Variants in POGLUT3 observed in about 807,000 individuals in gnomAD.
The protein encoded by POGLUT3 is KDEL (Lys-Asp-Glu-Leu) containing 2.
Under a neutral mutation model 54.3 loss-of-function variants are expected in POGLUT3, and 48 were observed. The observed-to-expected ratio is 0.88, with a 90% CI of 0.70 to 1.12. The LOEUF (loss-of-function observed/expected upper bound fraction) is 1.12, where lower values mean the gene tolerates loss of function less well. Among genes scored for constraint, POGLUT3 ranks in the 50% most tolerant of loss-of-function variants. POGLUT3 has a pLI of 0.00. For missense variants in POGLUT3, 629 were observed against 618.7 expected (o/e 1.02, Z -0.18); for synonymous variants, 218 against 237.4 (o/e 0.92, Z 0.75).
chr11:108,483,663 C>CATTATT (rs374883567), intron 3 of POGLUT3, among the ~76,000 whole-genome samples: 1 of 151,546 alleles, frequency 6.6e-6, no homozygotes, highest in Admixed American at 6.6e-5. Context: ...GCTTCCCTGT[C>CATTATT]ATTATTATTA....
intron 1 of POGLUT3, among the ~76,000 whole-genome samples, chr11:108,495,669 T>C (rs937020884): frequency 6.6e-6 from 1 of 152,172 alleles, no homozygotes; most frequent in Non-Finnish European, 1.5e-5. Context: ...ATTTTATTTA[T>C]TTATTTAGAG....
chr11:108,482,192 T>C lies in POGLUT3; in HGVS notation c.715A>G (p.Asn239Asp), dbSNP rs1375862219. 6.2e-7 allele frequency: 1 copy of C among 1,613,894 alleles called. No homozygotes were observed. The highest frequency in any genetic ancestry group is 1.1e-5 in the South Asian group (1 of 91,044). ...VLLPDLEFYV[N>D]LGDWPLEHRK... Reference sequence around the variant, plus strand: ...TGCTCCAAGGGCCAATCTCCAAGATTAACATAAAATTCTAAATCTGGGAGA... The same window carrying C: ...TGCTCCAAGGGCCAATCTCCAAGATCAACATAAAATTCTAAATCTGGGAGA... The change falls in exon 4 of 8, where the codon AAT becomes GAT. Residue 239 changes from asparagine (N) to aspartate (D), a missense_variant. Coordinates refer to ENST00000323468, the MANE Select transcript of POGLUT3 (RefSeq NM_153705.5).
rs1052334866 is a variant in POGLUT3 at position 108,486,192 on chromosome 11, A to G, written c.649T>C (p.Phe217Leu). ...SLGKYTDFKM[F>L]SDEILLSLTR... Reference sequence around the variant, plus strand: ...AATGATAACAAAATCTCATCAGAGAACATCTTGAAGTCTGTGTATTTCCCT... The same window carrying G: ...AATGATAACAAAATCTCATCAGAGAGCATCTTGAAGTCTGTGTATTTCCCT... The change falls in exon 3 of 8, where the codon TTC (phenylalanine) becomes CTC (leucine). Residue 217 changes from phenylalanine to leucine, a missense_variant. Phe to Leu is a conservative substitution (Grantham distance 22). Transcript: ENST00000323468. 1.2e-6 allele frequency: 2 copies of G among 1,612,706 alleles called. No individual in the cohort carries two copies. Among genetic ancestry groups the G allele is most frequent in the African/African-American group, 2.7e-5 (2 of 74,910 alleles).
At chr11:108,493,225 C>A (rs1004399811) in intron 1 of POGLUT3, among the ~76,000 whole-genome samples, 1 of 152,096 alleles carries the variant, frequency 6.6e-6, no homozygotes, top group Non-Finnish European at 1.5e-5. Flanking sequence ...GCTGAAATAT[C>A]ATTTAAAAGT....
In POGLUT3 at chr11:108,482,099, C is replaced by G. The variant is rs1472029771; in HGVS notation, c.808G>C (p.Asp270His). The G allele has an allele frequency of 6.2e-7, 1 of 1,614,154 alleles. No individual in the cohort carries two copies. The highest frequency in any genetic ancestry group is 1.1e-5 in the South Asian group (1 of 91,080). Residue 270 changes from aspartate to histidine, a missense_variant, in exon 4 of 8, where the codon GAT becomes CAT. Transcript: ENST00000323468. ...ATGTCATACGTTGGAAGGACAACATCTCTTGAATCCAGAGAGCCACACCAT... is the reference window on the plus strand; with the variant it reads ...ATGTCATACGTTGGAAGGACAACATGTCTTGAATCCAGAGAGCCACACCAT... The part of the protein sequence containing the change: ...ISWCGSLDSR[D>H]VVLPTYDITH...
intron 4 of POGLUT3, 104 bp downstream of exon 4, chr11:108,481,902 T>C: frequency 1.1e-6 from 1 of 878,648 alleles, no homozygotes; most frequent in Non-Finnish European, 1.8e-6. Flanking sequence ...GAATTTTCAG[T>C]ACAAGACTTT....
At chr11:108,496,472 G>A (rs183348853) in intron 1 of POGLUT3, among the ~76,000 whole-genome samples, 1 of 152,192 alleles carries the variant, frequency 6.6e-6, no homozygotes, top group East Asian at 1.9e-4. Context: ...ACAAAGCACA[G>A]CTGAATAAAT....
Position 108,479,475 on chromosome 11 carries a change from C to G in POGLUT3, c.1119G>C (p.Val373=), listed in dbSNP as rs1248602434. The change falls in exon 6 of 8, where the codon GTG becomes GTC. Residue 373 remains valine (V), a synonymous_variant. Transcript: ENST00000323468. ...ATCTGTAAGCAGCCACGGTCCCATCCACATTTACTTGATACTTGTACTGGA... is the reference window on the plus strand; with the variant it reads ...ATCTGTAAGCAGCCACGGTCCCATCGACATTTACTTGATACTTGTACTGGA... ...DFFKYKYQVN[V]DGTVAAYRYP... The G allele has an allele frequency of 6.3e-7, 1 of 1,595,550 alleles. No individual in the cohort carries two copies. The highest frequency in any genetic ancestry group is 2.2e-5 in the East Asian group (1 of 44,542).
intron 3 of POGLUT3, among the ~76,000 whole-genome samples, chr11:108,484,625 G>A (rs990976722): frequency 2.6e-5 from 4 of 152,110 alleles, no homozygotes; most frequent in African/African-American, 4.8e-5. Context: ...CAGGCATGGC[G>A]TGCATCTGTA....
In POGLUT3 at chr11:108,474,845, A is replaced by T; in HGVS notation, c.1506T>A (p.Pro502=). The T allele has an allele frequency of 6.2e-7, 1 of 1,614,108 alleles. No homozygotes were observed. Among genetic ancestry groups the T allele is most frequent in the Non-Finnish European group, 8.5e-7 (1 of 1,180,016 alleles). The change falls in exon 8 of 8, where the codon CCT becomes CCA. Residue 502 remains proline (P), a synonymous_variant. Coordinates refer to ENST00000323468, the MANE Select transcript of POGLUT3 (RefSeq NM_153705.5). ...GGCTGACTCAAAGTTCTTCTCTTGA[A>T]GGCTTTTTCCTGTGGCACTGGCAGA... The part of the protein sequence containing the change: ...TAICQCHRKK[P]SREEL
chr11:108,481,587 TC>T (rs1407519564), intron 4 of POGLUT3, among the ~76,000 whole-genome samples: 1 of 152,182 alleles, frequency 6.6e-6, no homozygotes, highest in Non-Finnish European at 1.5e-5. Context: ...AAAAAAACAG[TC>T]TTTTTATTTG....
intron 2 of POGLUT3, chr11:108,486,760 C>A: frequency 3.8e-6 from 1 of 259,806 alleles, no homozygotes; most frequent in Non-Finnish European, 7.4e-6. Flanking sequence ...AGAAAAAGAA[C>A]GTATTAATTT....
At chr11:108,477,938 CA>C (rs1055768366) in intron 6 of POGLUT3, 2 of 513,486 alleles carry the variant, frequency 3.9e-6, no homozygotes, top group African/African-American at 3.9e-5. Flanking sequence ...CACTTAAGGT[CA>C]AGAGTTCGAG....
intron 3 of POGLUT3, among the ~76,000 whole-genome samples, chr11:108,482,508 C>G (rs190317935): frequency 1.3e-5 from 2 of 152,190 alleles, no homozygotes; most frequent in East Asian, 3.9e-4. Context: ...AATCCCAGCA[C>G]TTTGGGAGGT....
intron 1 of POGLUT3, among the ~76,000 whole-genome samples, chr11:108,493,427 A>G (rs956733840): frequency 6.6e-6 from 1 of 152,238 alleles, no homozygotes; most frequent in African/African-American, 2.4e-5. Flanking sequence ...TAAAAGAGAA[A>G]ATGAGAAGAG....
rs1364009202 is a variant in POGLUT3 at position 108,477,617 on chromosome 11, T to A, written c.1388A>T (p.Gln463Leu). 2.5e-6 allele frequency: 4 copies of A among 1,604,516 alleles called. No individual in the cohort carries two copies. The African/African-American group carries it at 4.0e-5, about 16-fold the overall frequency. Residue 463 changes from glutamine to leucine, a missense_variant, in exon 7 of 8, where the codon CAA (glutamine) becomes CTA (leucine). Physicochemically the swap from Gln to Leu is moderately radical, Grantham distance 113. Coordinates refer to ENST00000323468, the MANE Select transcript of POGLUT3 (RefSeq NM_153705.5). ...QPHRLYCYYYQVLQKYAERQS... is the reference protein window; with the variant it reads ...QPHRLYCYYYLVLQKYAERQS... ...ACACTCTGAACTGACCTGCAGTACTTGGTAATAGTAGCAGTAAAGCCTGTG... is the reference window on the plus strand; with the variant it reads ...ACACTCTGAACTGACCTGCAGTACTAGGTAATAGTAGCAGTAAAGCCTGTG...
chr11:108,488,646 C>A (rs772752454), intron 2 of POGLUT3, among the ~76,000 whole-genome samples: 2 of 152,178 alleles, frequency 1.3e-5, no homozygotes, highest in Non-Finnish European at 2.9e-5. Context: ...ATGATCAGTG[C>A]ATTTTGGATG....
chr11:108,479,721 TA>T (rs929131244), intron 5 of POGLUT3, among the ~76,000 whole-genome samples: 5 of 152,238 alleles, frequency 3.3e-5, no homozygotes, highest in Non-Finnish European at 7.3e-5. Flanking sequence ...GGTAAGGTGC[TA>T]AATTTTTGGA....
At chr11:108,481,652 C>T (rs2093592859) in intron 4 of POGLUT3, among the ~76,000 whole-genome samples, 2 of 152,188 alleles carry the variant, frequency 1.3e-5, no homozygotes, top group Admixed American at 6.5e-5. Context: ...CTAGTGAAAG[C>T]TCACGCAAGT....
Sources: gnomAD v4.1 joint callset for allele counts (sites outside exome capture counted in the v4.1 genomes callset) on GRCh38, gnomAD v4.1.1 for gene constraint, MANE v1.5 for transcripts, NCBI Gene and HGNC (gene_info 2026-07-23, HGNC 2026-07-21) for gene names.